Variants in KLF18 observed in about 807,000 individuals in gnomAD.
KLF18 encodes KLF transcription factor 18, also known as Kruppel-like factor 18.
At chr1:44,138,635 C>A in intron 1 of KLF18, 29 bp downstream of exon 1, 1 of 395,780 alleles carries the variant, frequency 2.5e-6, no homozygotes, top group South Asian at 1.3e-4. Flanking sequence ...CCACTTGCCC[C>A]TCACCCCTGT....
rs554870350 is a variant in KLF18 at position 44,139,950 on chromosome 1, G to A, written c.1682C>T (p.Thr561Met). The change falls in exon 1 of 2, where the codon ACG becomes ATG. Residue 561 changes from threonine (T) to methionine (M), a missense_variant. By Grantham distance (81) the Thr-to-Met change is moderately conservative. Coordinates refer to ENST00000634670, the MANE Select transcript of KLF18 (RefSeq NM_001358438.1). ...GAGGGCCTGGTTACCAGTGGAGGTC[G>A]TCACCTGCTCCCCACAGAGGGTCTG... ...SNQTLCGEQV[T>M]TSTGNQALYG... is the part of the protein sequence containing the mutation. 4.0e-4 allele frequency: 152 copies of A among 378,790 alleles called. No individual in the cohort carries two copies. The highest frequency in any genetic ancestry group is 2.2e-3 in the African/African-American group (96 of 44,346). 23.5% of individuals were successfully genotyped at this position (378,790 alleles called of 1,614,324 possible).
In KLF18 at chr1:44,138,864, A is replaced by G. The variant is rs1643196780; in HGVS notation, c.2768T>C (p.Phe923Ser). ...GAATCCTGGGTATGGCAATGATGAG[A>G]ACTGATGGGACATCATATATCCCCC... ...LYGGYMMSHQ[F>S]SSLPYPGFLC... Residue 923 changes from phenylalanine (F) to serine (S), a missense_variant, in exon 1 of 2, where the codon TTC (phenylalanine) becomes TCC (serine). Phe to Ser is a radical substitution (Grantham distance 155). Coordinates refer to ENST00000634670, the MANE Select transcript of KLF18 (RefSeq NM_001358438.1). 1 of 398,532 alleles carries G rather than the reference A, an allele frequency of 2.5e-6. No individual in the cohort carries two copies. Among genetic ancestry groups the G allele is most frequent in the Non-Finnish European group, 4.4e-6 (1 of 226,094 alleles). The allele number at this position is 398,532 out of a possible 1,614,324, so 24.7% of individuals were successfully genotyped here.
At position 44,141,292 on chromosome 1, in the gene KLF18, C is replaced by T. The variant is rs1041488853; in HGVS notation, c.340G>A (p.Gly114Ser). 7.5e-6 allele frequency: 3 copies of T among 398,512 alleles called. No homozygotes were observed. The highest frequency in any genetic ancestry group is 6.2e-4 in the Middle Eastern group (1 of 1,610). 24.7% of individuals were successfully genotyped at this position (398,512 alleles called of 1,614,324 possible). ...TSFDQVKHTAGSQMTDVTVTP... is the reference protein window; with the variant it reads ...TSFDQVKHTASSQMTDVTVTP... The stretch of plus-strand genomic sequence containing the variant: ...ACAGTAACATCTGTCATCTGGGAGC[C>T]TGCTGTGTGTTTTACCTGATCAAAG... Residue 114 changes from glycine to serine, a missense_variant, in exon 1 of 2, where the codon GGC (glycine) becomes AGC (serine). Coordinates refer to ENST00000634670, the MANE Select transcript of KLF18 (RefSeq NM_001358438.1).
rs565834377 is a variant in KLF18, at chr1:44,139,823, C to T, written c.1809G>A (p.Thr603=). 4 of 373,988 alleles carry T rather than the reference C, an allele frequency of 1.1e-5. No homozygotes were observed. Among genetic ancestry groups the T allele is most frequent in the Non-Finnish European group, 1.9e-5 (4 of 214,086 alleles). 23.2% of individuals were successfully genotyped at this position (373,988 alleles called of 1,614,324 possible). Residue 603 remains threonine (T), a synonymous_variant, in exon 1 of 2, where the codon ACG becomes ACA. Coordinates refer to ENST00000634670, the MANE Select transcript of KLF18 (RefSeq NM_001358438.1). The part of the protein sequence containing the change: ...SNQTLCGEQV[T]TSTGNQALYG... Reference sequence around the variant, plus strand: ...AGAGGGCCTGGTTACCAGTGGAGGTCGTCACCTGCTCCCCACAAAGGGTCT... The same window carrying T: ...AGAGGGCCTGGTTACCAGTGGAGGTTGTCACCTGCTCCCCACAAAGGGTCT...
Position 44,138,699 on chromosome 1 carries a change from G to C in KLF18, c.2933C>G (p.Ala978Gly). The change falls in exon 1 of 2, where the codon GCT becomes GGT. Residue 978 changes from alanine (A) to glycine (G), a missense_variant. Physicochemically the swap from Ala to Gly is moderately conservative, Grantham distance 60. Coordinates refer to ENST00000634670, the MANE Select transcript of KLF18 (RefSeq NM_001358438.1). ...GCGCATGTGGGTTCGGAGGTGGCAAGCCTTTGAATAAGACATCTTGCAGTC... is the reference window on the plus strand; with the variant it reads ...GCGCATGTGGGTTCGGAGGTGGCAACCCTTTGAATAAGACATCTTGCAGTC... Reference protein sequence around the residue: ...YEDCKMSYSKACHLRTHMRKH... With the variant: ...YEDCKMSYSKGCHLRTHMRKH... The C allele has an allele frequency of 2.5e-6, 1 of 398,628 alleles. No homozygotes were observed. Among genetic ancestry groups the C allele is most frequent in the Non-Finnish European group, 4.4e-6 (1 of 226,060 alleles). The allele number at this position is 398,628 out of a possible 1,614,324, so 24.7% of individuals were successfully genotyped here. A position where few individuals can be genotyped will look rare whatever the true frequency, so the allele number is the denominator to read the frequency against.
At chr1:44,138,613 A>G (rs2154312173) in intron 1 of KLF18, 51 bp downstream of exon 1, 2 of 260,094 alleles carry the variant, frequency 7.7e-6, no homozygotes, top group East Asian at 9.2e-5. Flanking sequence ...GCTTCCGGGC[A>G]CAAATCTGTA....
chr1:44,140,190 C>G lies in KLF18; in HGVS notation c.1442G>C (p.Gly481Ala), dbSNP rs1226992700. 5 of 394,122 alleles carry G rather than the reference C, an allele frequency of 1.3e-5. No individual in the cohort carries two copies. The highest frequency in any genetic ancestry group is 2.2e-5 in the Non-Finnish European group (5 of 225,214). The allele number at this position is 394,122 out of a possible 1,614,324, so 24.4% of individuals were successfully genotyped here. ...LCGEQVTTST[G>A]NQALYGGQMM... ...CTGCCCCCCGTAGAGGGCCTGGTTA[C>G]CAGTGGAGGTCGTCACCTGCTCCCC... is the stretch of plus-strand genomic sequence containing the variant. Residue 481 changes from glycine to alanine, a missense_variant, in exon 1 of 2, where the codon GGT becomes GCT. Physicochemically the swap from Gly to Ala is moderately conservative, Grantham distance 60. Coordinates refer to ENST00000634670, the MANE Select transcript of KLF18 (RefSeq NM_001358438.1).
chr1:44,140,201 C>A lies in KLF18; in HGVS notation c.1431G>T (p.Thr477=). 1 of 392,036 alleles carries A rather than the reference C, an allele frequency of 2.6e-6. No homozygotes were observed. The highest frequency in any genetic ancestry group is 1.4e-4 in the South Asian group (1 of 7,402). 24.3% of individuals were successfully genotyped at this position (392,036 alleles called of 1,614,324 possible). A position where few individuals can be genotyped will look rare whatever the true frequency, so the allele number is the denominator to read the frequency against. The stretch of plus-strand genomic sequence containing the variant: ...AGAGGGCCTGGTTACCAGTGGAGGT[C>A]GTCACCTGCTCCCCACAGAGGGTCT... The part of the protein sequence containing the change: ...SNQTLCGEQV[T]TSTGNQALYG... Residue 477 remains threonine, a synonymous_variant, in exon 1 of 2, where the codon ACG becomes ACT. Coordinates refer to ENST00000634670, the MANE Select transcript of KLF18 (RefSeq NM_001358438.1).
chr1:44,139,919 C>T lies in KLF18; in HGVS notation c.1713G>A (p.Gly571=), dbSNP rs1017932985. The change falls in exon 1 of 2, where the codon GGG becomes GGA. Residue 571 remains glycine, a synonymous_variant. Coordinates refer to ENST00000634670, the MANE Select transcript of KLF18 (RefSeq NM_001358438.1). ...TTSTGNQALY[G]GQITTSTSNQ... is the part of the protein sequence containing the mutation. ...TACTAGTGGAGGTCGTGATCTGCCC[C>T]CCGTAGAGGGCCTGGTTACCAGTGG... 6 of 377,972 alleles carry T rather than the reference C, an allele frequency of 1.6e-5. No homozygotes were observed. Among genetic ancestry groups the T allele is most frequent in the African/African-American group, 1.3e-4 (6 of 45,706 alleles). 23.4% of individuals were successfully genotyped at this position (377,972 alleles called of 1,614,324 possible).
rs1188633892 is a variant in KLF18 at position 44,141,254 on chromosome 1, T to TGACTTTGGGGTGAC, written c.364_377dup (p.Thr129GlnfsTer18). ...TTGTCTTCTGGCAATCAGTGGGTGA[T>TGACTTTGGGGTGAC]GACTTTGGGGTGACAGTAACATCTG... On this transcript the variant is annotated frameshift_variant, in exon 1 of 2. Transcript: ENST00000634670. LOFTEE classifies it high-confidence loss of function. 1 of 398,560 alleles carries TGACTTTGGGGTGAC rather than the reference T, an allele frequency of 2.5e-6. No individual in the cohort carries two copies. Among genetic ancestry groups the TGACTTTGGGGTGAC allele is most frequent in the Non-Finnish European group, 4.4e-6 (1 of 226,140 alleles). 24.7% of individuals were successfully genotyped at this position (398,560 alleles called of 1,614,324 possible).
chr1:44,138,623 A>G, intron 1 of KLF18, 41 bp downstream of exon 1: 1 of 342,830 alleles, frequency 2.9e-6, no homozygotes, highest in South Asian at 1.7e-4. Context: ...ACAAATCTGT[A>G]GCCACTTGCC....
Position 44,140,930 on chromosome 1 carries a change from A to C in KLF18, c.702T>G (p.Cys234Trp). 1 of 398,702 alleles carries C rather than the reference A, an allele frequency of 2.5e-6. No homozygotes were observed. Among genetic ancestry groups the C allele is most frequent in the Non-Finnish European group, 4.4e-6 (1 of 226,228 alleles). 24.7% of individuals were successfully genotyped at this position (398,702 alleles called of 1,614,324 possible). Residue 234 changes from cysteine (C) to tryptophan (W), a missense_variant, in exon 1 of 2, where the codon TGT becomes TGG. Physicochemically the swap from Cys to Trp is radical, Grantham distance 215 (BLOSUM62 -2). Coordinates refer to ENST00000634670, the MANE Select transcript of KLF18 (RefSeq NM_001358438.1). ...MMTSIDNQTLCGEQMTTSSGN... is the reference protein window; with the variant it reads ...MMTSIDNQTLWGEQMTTSSGN... The stretch of plus-strand genomic sequence containing the variant: ...CACTGGAGGTCGTCATCTGCTCCCC[A>C]CAGAGGGTCTGGTTATCAATGGAAG...
rs572274220 is a variant in KLF18 at position 44,140,032 on chromosome 1, T to C, written c.1600A>G (p.Thr534Ala). 38 of 389,748 alleles carry C rather than the reference T, an allele frequency of 9.7e-5. No homozygotes were observed. The highest frequency in any genetic ancestry group is 5.3e-4 in the African/African-American group (25 of 46,770). The allele number at this position is 389,748 out of a possible 1,614,324, so 24.1% of individuals were successfully genotyped here. ...CAGAGGGTCTGGTTACTAGTAGAGGTTGTCATCTGCCCCCCGTAGAGGGCC... is the reference window on the plus strand; with the variant it reads ...CAGAGGGTCTGGTTACTAGTAGAGGCTGTCATCTGCCCCCCGTAGAGGGCC... ...NQALYGGQMT[T>A]STSNQTLCGE... Residue 534 changes from threonine to alanine, a missense_variant, in exon 1 of 2, where the codon ACC becomes GCC. Transcript: ENST00000634670.
In KLF18 at chr1:44,141,626, A is replaced by C; in HGVS notation, c.6T>G (p.Asp2Glu). 2 of 398,628 alleles carry C rather than the reference A, an allele frequency of 5.0e-6. No homozygotes were observed. The highest frequency in any genetic ancestry group is 8.8e-6 in the Non-Finnish European group (2 of 226,098). 24.7% of individuals were successfully genotyped at this position (398,628 alleles called of 1,614,324 possible). A position where few individuals can be genotyped will look rare whatever the true frequency, so the allele number is the denominator to read the frequency against. Residue 2 changes from aspartate (D) to glutamate (E), a missense_variant, in exon 1 of 2, where the codon GAT becomes GAG. Physicochemically the swap from Asp to Glu is conservative, Grantham distance 45. Coordinates refer to ENST00000634670, the MANE Select transcript of KLF18 (RefSeq NM_001358438.1). M[D>E]SSLLQAIEEI... ...CCTCAATTGCCTGGAGAAGACTGGA[A>C]TCCATCTCTTTGATGTTGCCTGATG...
At position 44,141,290 on chromosome 1, in the gene KLF18, GC is replaced by G. The variant is rs1471884241; in HGVS notation, c.341del (p.Gly114AlafsTer4). ...TSFDQVKHTA[G>X]SQMTDVTVTP... ...TGACAGTAACATCTGTCATCTGGGA[GC>G]CTGCTGTGTGTTTTACCTGATCAAA... is the stretch of plus-strand genomic sequence containing the variant. On this transcript the variant is annotated frameshift_variant, in exon 1 of 2. Transcript: ENST00000634670. LOFTEE classifies it high-confidence loss of function. 1 of 398,536 alleles carries G rather than the reference GC, an allele frequency of 2.5e-6. No individual in the cohort carries two copies. The highest frequency in any genetic ancestry group is 4.4e-6 in the Non-Finnish European group (1 of 226,132). The allele number at this position is 398,536 out of a possible 1,614,324, so 24.7% of individuals were successfully genotyped here.
rs1038931684 is a variant in KLF18 at position 44,140,803 on chromosome 1, C to A, written c.829G>T (p.Gly277Trp). Residue 277 changes from glycine (G) to tryptophan (W), a missense_variant, in exon 1 of 2, where the codon GGG becomes TGG. Coordinates refer to ENST00000634670, the MANE Select transcript of KLF18 (RefSeq NM_001358438.1). ...CTAGCGGAGGTCGTCATCTGCCCCC[C>A]ATAGAGGGCCTGGTTACCAGTGGAG... ...TTSTGNQALYGGQMTTSASNQ... is the reference protein window; with the variant it reads ...TTSTGNQALYWGQMTTSASNQ... 188 of 398,202 alleles carry A rather than the reference C, an allele frequency of 4.7e-4. 2 individuals are homozygous for A. Among genetic ancestry groups the A allele is most frequent in the Non-Finnish European group, 5.1e-4 (115 of 226,106 alleles). 24.7% of individuals were successfully genotyped at this position (398,202 alleles called of 1,614,324 possible).
At position 44,140,816 on chromosome 1, in the gene KLF18, G is replaced by A. The variant is rs1205547599; in HGVS notation, c.816C>T (p.Asn272=). The A allele has an allele frequency of 4.0e-5, 16 of 398,336 alleles. No individual in the cohort carries two copies. The East Asian group carries it at 5.4e-4, about 13-fold the overall frequency. 24.7% of individuals were successfully genotyped at this position (398,336 alleles called of 1,614,324 possible). The change falls in exon 1 of 2, where the codon AAC becomes AAT. Residue 272 remains asparagine (N), a synonymous_variant. Coordinates refer to ENST00000634670, the MANE Select transcript of KLF18 (RefSeq NM_001358438.1). ...TCATCTGCCCCCCATAGAGGGCCTGGTTACCAGTGGAGGTTGTCATCTGCT... is the reference window on the plus strand; with the variant it reads ...TCATCTGCCCCCCATAGAGGGCCTGATTACCAGTGGAGGTTGTCATCTGCT... ...CGEQMTTSTG[N]QALYGGQMTT...
chr1:44,138,270 G>T (rs1302995370), intron 1 of KLF18, among the ~76,000 whole-genome samples: 1 of 152,186 alleles, frequency 6.6e-6, no homozygotes, highest in African/African-American at 2.4e-5. Context: ...ACAGTTATTG[G>T]CAGGCAAGTT....
At chr1:44,138,592 C>T (rs1160609543) in intron 1 of KLF18, 72 bp downstream of exon 1, 4 of 397,596 alleles carry the variant, frequency 1.0e-5, no homozygotes, top group Non-Finnish European at 1.3e-5. Context: ...GAAGTGGCAG[C>T]AATCTCAAAT....
Sources: gnomAD v4.1 joint callset for allele counts (sites outside exome capture counted in the v4.1 genomes callset) on GRCh38, gnomAD v4.1.1 for gene constraint, MANE v1.5 for transcripts, NCBI Gene and HGNC (gene_info 2026-07-23, HGNC 2026-07-21) for gene names.